The following GRK4 variants were observed in gnomAD, a reference collection of about 807,000 sequenced individuals.
GRK4 encodes the protein G protein-coupled receptor kinase 2-like.
In GRK4, 73 loss-of-function variants were observed where a neutral mutation model predicts 77.9. The ratio of observed to expected loss-of-function variants is 0.94; its 90% CI spans 0.78 to 1.14. The LOEUF is 1.14. Among genes scored for constraint, GRK4 ranks in the 50% most tolerant of loss-of-function variants. GRK4 has a pLI of 0.00. For synonymous variants in GRK4, 257 were observed against 254.4 expected (o/e 1.01, Z -0.10); for missense variants, 729 against 700.2 (o/e 1.04, Z -0.46).
At chr4:3,007,518 C>T (rs976909294) in intron 5 of GRK4, among the ~76,000 whole-genome samples, 1 of 152,156 alleles carries the variant, frequency 6.6e-6, no homozygotes, top group African/African-American at 2.4e-5. Context: ...GGAATGCATC[C>T]TTCTATTTCA....
At chr4:2,977,742 A>C (rs977253720) in intron 1 of GRK4, among the ~76,000 whole-genome samples, 18 of 152,164 alleles carry the variant, frequency 1.2e-4, no homozygotes, top group African/African-American at 4.3e-4. Flanking sequence ...GAGAGCACGG[A>C]GAACCGTGTG....
intron 3 of GRK4, 29 bp downstream of exon 3, chr4:2,988,868 C>A: frequency 7.6e-7 from 1 of 1,314,170 alleles, no homozygotes; most frequent in Non-Finnish European, 1.1e-6. Context: ...TATTGAGCAA[C>A]CACCCAATCT....
At chr4:3,006,819 G>C (rs147147393) in intron 5 of GRK4, among the ~76,000 whole-genome samples, 27 of 152,166 alleles carry the variant, frequency 1.8e-4, no homozygotes, top group African/African-American at 6.3e-4. Context: ...TGCTTCTCTG[G>C]TATGGCAGAC....
chr4:3,027,972 G>C lies in GRK4; in HGVS notation c.1031G>C (p.Arg344Pro), dbSNP rs751105368. The C allele has an allele frequency of 2.5e-6, 4 of 1,614,170 alleles. No individual in the cohort carries two copies. The highest frequency in any genetic ancestry group is 2.5e-6 in the Non-Finnish European group (3 of 1,180,034). ...ATEIPEGQRVRGRVGTVGYMA... is the reference protein window; with the variant it reads ...ATEIPEGQRVPGRVGTVGYMA... ...GAGATCCCAGAAGGACAGAGGGTTC[G>C]AGGAAGAGTTGGAACAGTCGGCTAC... is the stretch of plus-strand genomic sequence containing the variant. The change falls in exon 11 of 16, where the codon CGA (arginine) becomes CCA (proline). Residue 344 changes from arginine to proline, a missense_variant. Coordinates refer to ENST00000398052, the MANE Select transcript of GRK4 (RefSeq NM_182982.3).
At chr4:3,007,512 T>A (rs114826264) in intron 5 of GRK4, among the ~76,000 whole-genome samples, 136 of 152,338 alleles carry the variant, frequency 8.9e-4, no homozygotes, top group African/African-American at 3.1e-3. Flanking sequence ...AAGAAGGGAA[T>A]GCATCCTTCT....
chr4:2,979,187 T>C (rs1722085327), intron 1 of GRK4, among the ~76,000 whole-genome samples: 1 of 150,098 alleles, frequency 6.7e-6, no homozygotes, highest in African/African-American at 2.5e-5. Context: ...ATCGCGCCAT[T>C]GCACTCCAGC....
At chr4:3,036,796 G>A (rs1224750578) in intron 13 of GRK4, among the ~76,000 whole-genome samples, 1 of 152,168 alleles carries the variant, frequency 6.6e-6, no homozygotes, top group Non-Finnish European at 1.5e-5. Context: ...AGGAGGATGG[G>A]AAGTGGGAGC....
intron 1 of GRK4, among the ~76,000 whole-genome samples, chr4:2,964,576 A>T (rs1241658865): frequency 6.6e-6 from 1 of 152,194 alleles, no homozygotes; most frequent in African/African-American, 2.4e-5. Context: ...TAATGATTGT[A>T]GGGCAATGTT....
intron 1 of GRK4, among the ~76,000 whole-genome samples, chr4:2,964,951 A>C (rs1406127683): frequency 6.6e-6 from 1 of 152,184 alleles, no homozygotes; most frequent in African/African-American, 2.4e-5. Context: ...GAAGAAAAAA[A>C]AAAAAGAGGA....
At chr4:2,991,258 T>C (rs1299888324) in intron 3 of GRK4, among the ~76,000 whole-genome samples, 1 of 152,192 alleles carries the variant, frequency 6.6e-6, no homozygotes, top group Admixed American at 6.5e-5. Flanking sequence ...TCTCTGTTCT[T>C]AACACCTTCC....
At chr4:3,029,018 T>C (rs1379002482) in intron 11 of GRK4, among the ~76,000 whole-genome samples, 183 bp from the exon 12 acceptor site, 1 of 152,204 alleles carries the variant, frequency 6.6e-6, no homozygotes, top group African/African-American at 2.4e-5. Context: ...GTGATCTGCC[T>C]GCCTTCGCCT....
At chr4:2,999,834 T>C (rs1352742920) in intron 4 of GRK4, among the ~76,000 whole-genome samples, 1 of 152,024 alleles carries the variant, frequency 6.6e-6, no homozygotes, top group Admixed American at 6.6e-5. Flanking sequence ...TATCAAGAAG[T>C]GAAAACATAA....
intron 8 of GRK4, among the ~76,000 whole-genome samples, chr4:3,014,043 A>G (rs994103774): frequency 1.3e-5 from 2 of 152,120 alleles, no homozygotes; most frequent in African/African-American, 4.8e-5. Flanking sequence ...AAGGAGTGAT[A>G]CTGCTTCTAA....
intron 3 of GRK4, among the ~76,000 whole-genome samples, chr4:2,991,052 TCAA>T (rs1291414910): frequency 6.6e-6 from 1 of 152,190 alleles, no homozygotes; most frequent in African/African-American, 2.4e-5. Context: ...CAGTCAGGAT[TCAA>T]CCAGAGAACT....
chr4:2,966,725 C>T (rs1343427443), intron 1 of GRK4: 2 of 152,204 alleles, frequency 1.3e-5, no homozygotes, highest in Non-Finnish European at 2.9e-5. Flanking sequence ...TGGACAGCTC[C>T]TTGTTTAGCT....
rs1414819172 is a variant in GRK4, at chr4:3,038,481, A to G, written c.1651A>G (p.Arg551Gly). ...NIHTPVSRPNRGFFYRLFRRG... is the reference protein window; with the variant it reads ...NIHTPVSRPNGGFFYRLFRRG... ...ACATACCCCGGTTTCCAGACCAAACAGAGGCTTCTTCTATAGACTCTTCAG... is the reference window on the plus strand; with the variant it reads ...ACATACCCCGGTTTCCAGACCAAACGGAGGCTTCTTCTATAGACTCTTCAG... The change falls in exon 15 of 16, where the codon AGA (arginine) becomes GGA (glycine). Residue 551 changes from arginine (R) to glycine (G), a missense_variant. Arg to Gly is a moderately radical substitution (Grantham distance 125). Transcript: ENST00000398052. The G allele has an allele frequency of 6.2e-7, 1 of 1,614,082 alleles. No homozygotes were observed. Among genetic ancestry groups the G allele is most frequent in the Non-Finnish European group, 8.5e-7 (1 of 1,179,990 alleles).
At chr4:3,007,206 C>T (rs949568941) in intron 5 of GRK4, among the ~76,000 whole-genome samples, 12 of 152,078 alleles carry the variant, frequency 7.9e-5, no homozygotes, top group Admixed American at 7.9e-4. Context: ...TGTCTCTAAA[C>T]AACAACAACA....
At chr4:3,004,929 G>C (rs1239388082) in intron 5 of GRK4, among the ~76,000 whole-genome samples, 1 of 152,028 alleles carries the variant, frequency 6.6e-6, no homozygotes, top group Admixed American at 6.6e-5. Context: ...AGAGGTGAAT[G>C]AAGAGTAATA....
intron 12 of GRK4, among the ~76,000 whole-genome samples, chr4:3,031,482 C>T (rs934902051): frequency 6.6e-6 from 1 of 152,194 alleles, no homozygotes; most frequent in African/African-American, 2.4e-5. Context: ...CAGGGAGCTG[C>T]ACTCGCCCAG....
Sources: allele counts gnomAD v4.1 joint callset (sites outside exome capture counted in the v4.1 genomes callset), GRCh38; gene constraint gnomAD v4.1.1; transcripts MANE v1.5; gene names NCBI Gene and HGNC (gene_info 2026-07-23, HGNC 2026-07-21).